The following FOXN3 variants were observed in gnomAD, a reference collection of about 807,000 sequenced individuals.
FOXN3 encodes forkhead box protein N3.
Under a neutral mutation model 38.4 loss-of-function variants are expected in FOXN3, and 7 were observed. That is an observed-to-expected ratio of 0.18 (90% CI 0.10 to 0.34). The LOEUF (loss-of-function observed/expected upper bound fraction) is 0.34. FOXN3 is among the 10% of genes least tolerant of loss of function. FOXN3 has a pLI of 1.00. For missense variants in FOXN3, 456 were observed against 613.4 expected (o/e 0.74, Z 2.71); for synonymous variants, 230 against 242.2 (o/e 0.95, Z 0.47).
intron 3 of FOXN3, among the ~76,000 whole-genome samples, chr14:89,295,911 A>T (rs1887024086): frequency 6.6e-6 from 1 of 151,816 alleles, no homozygotes; most frequent in African/African-American, 2.4e-5. Flanking sequence ...TTTTTAAAAC[A>T]TCTCTTATAA....
rs145175349 is a variant in FOXN3 at position 89,414,334 on chromosome 14, T to G, written c.-14-1844A>C. Reference sequence around the variant, plus strand: ...AAATAAAATTAAAAAGGCAAAGACATGACCCTTCTATGTCTCTTAAATGTT... The same window carrying G: ...AAATAAAATTAAAAAGGCAAAGACAGGACCCTTCTATGTCTCTTAAATGTT... On this transcript the variant is annotated intron_variant, in intron 1 of 5. Transcript: ENST00000557258. Among the ~76,000 whole-genome samples, 33 of 151,674 alleles carry G rather than the reference T, an allele frequency of 2.2e-4. 1 individual carries two copies. The East Asian group carries it at 6.3e-3, about 29-fold the overall frequency.
At chr14:89,226,691 A>G (rs1884650656) in intron 4 of FOXN3, among the ~76,000 whole-genome samples, 1 of 152,144 alleles carries the variant, frequency 6.6e-6, no homozygotes, top group Non-Finnish European at 1.5e-5. Flanking sequence ...ACCTGGTCTT[A>G]TTTGGAATCA....
chr14:89,478,748 A>G (rs138231562), intron 1 of FOXN3, among the ~76,000 whole-genome samples: 223 of 152,102 alleles, frequency 1.5e-3, no homozygotes, highest in African/African-American at 5.1e-3. Flanking sequence ...CCTGGCCAAC[A>G]TGGTGAAACC....
chr14:89,470,294 T>TA (rs11461203), intron 1 of FOXN3, among the ~76,000 whole-genome samples: 2,146 of 148,232 alleles, frequency 0.014, 51 homozygotes, highest in African/African-American at 0.05. Context: ...TCTGACTTTC[T>TA]AAAAAAAAAA....
At chr14:89,250,830 C>G (rs1022081854) in intron 4 of FOXN3, among the ~76,000 whole-genome samples, 1 of 152,162 alleles carries the variant, frequency 6.6e-6, no homozygotes, top group Non-Finnish European at 1.5e-5. Flanking sequence ...CTCATGAGAT[C>G]TGATGGTTTT....
chr14:89,394,180 C>T (rs1365152689), intron 2 of FOXN3, among the ~76,000 whole-genome samples: 1 of 151,566 alleles, frequency 6.6e-6, no homozygotes, highest in Non-Finnish European at 1.5e-5. Context: ...TAGACCCTAA[C>T]TCCCAACACC....
upstream of FOXN3, among the ~76,000 whole-genome samples, chr14:89,421,850 A>G (rs1296199205): frequency 6.6e-6 from 1 of 151,860 alleles, no homozygotes; most frequent in Non-Finnish European, 1.5e-5. Flanking sequence ...CAAATGGTCT[A>G]CAATAAACAC....
chr14:89,449,763 G>A (rs1465021207), intron 1 of FOXN3, among the ~76,000 whole-genome samples: 1 of 152,154 alleles, frequency 6.6e-6, no homozygotes, highest in East Asian at 1.9e-4. Flanking sequence ...CCCCACGGAG[G>A]TCTGACAGCT....
At chr14:89,423,368 A>T (rs1468474472) in intron 1 of FOXN3, among the ~76,000 whole-genome samples, 3 of 152,234 alleles carry the variant, frequency 2.0e-5, no homozygotes, top group Non-Finnish European at 4.4e-5. Flanking sequence ...TGTAAGGAAC[A>T]TAAAACAGGG....
At chr14:89,221,444 T>C (rs188761664) in intron 4 of FOXN3, among the ~76,000 whole-genome samples, 75 of 152,374 alleles carry the variant, frequency 4.9e-4, no homozygotes, top group African/African-American at 1.7e-3. Flanking sequence ...CACTATGCCA[T>C]ATTATATATA....
chr14:89,290,975 C>A (rs1057167390), intron 3 of FOXN3: 11 of 377,822 alleles, frequency 2.9e-5, no homozygotes, highest in Non-Finnish European at 4.7e-5. Context: ...GTGGGTGCTG[C>A]GGACCTGTTC....
intron 1 of FOXN3, among the ~76,000 whole-genome samples, chr14:89,436,461 C>A (rs1323217555): frequency 6.6e-6 from 1 of 152,138 alleles, no homozygotes; most frequent in Non-Finnish European, 1.5e-5. Context: ...GGTTTCCTCT[C>A]CAGTATCTAT....
chr14:89,337,813 A>G (rs1378356866), intron 3 of FOXN3, among the ~76,000 whole-genome samples: 8 of 152,020 alleles, frequency 5.3e-5, no homozygotes. Context: ...TATTTTTAGT[A>G]GGGATGGGGT....
At chr14:89,444,850 G>A (rs925238097) in intron 1 of FOXN3, among the ~76,000 whole-genome samples, 19 of 152,192 alleles carry the variant, frequency 1.2e-4, no homozygotes, top group African/African-American at 4.3e-4. Context: ...GCCAGGTGCA[G>A]TGGCTCACGC....
At chr14:89,247,241 T>A (rs971268423) in intron 4 of FOXN3, among the ~76,000 whole-genome samples, 2 of 152,202 alleles carry the variant, frequency 1.3e-5, no homozygotes, top group Non-Finnish European at 2.9e-5. Context: ...AGCTTAAGCA[T>A]AATTATTGTA....
intron 1 of FOXN3, among the ~76,000 whole-genome samples, chr14:89,549,467 G>A (rs1894956620): frequency 6.6e-6 from 1 of 152,064 alleles, no homozygotes; most frequent in Non-Finnish European, 1.5e-5. Context: ...CCGGAAAGAC[G>A]CATCCTCTGA....
intron 1 of FOXN3, among the ~76,000 whole-genome samples, chr14:89,534,845 T>G (rs1052518838): frequency 3.3e-5 from 5 of 152,242 alleles, no homozygotes; most frequent in African/African-American, 7.2e-5. Flanking sequence ...AGGCCCGTTC[T>G]ATCCACTGCT....
chr14:89,569,143 T>C (rs1895436127), intron 1 of FOXN3, among the ~76,000 whole-genome samples: 1 of 152,100 alleles, frequency 6.6e-6, no homozygotes, highest in Non-Finnish European at 1.5e-5. Flanking sequence ...AGGTGGAGCT[T>C]GCAGTGAGCC....
intron 1 of FOXN3, among the ~76,000 whole-genome samples, chr14:89,471,811 T>C (rs1893101131): frequency 1.3e-5 from 2 of 151,918 alleles, no homozygotes; most frequent in African/African-American, 4.9e-5. Context: ...ACTGGACAAC[T>C]TTAGGAACCA....
Sources: allele counts gnomAD v4.1 joint callset (sites outside exome capture counted in the v4.1 genomes callset), GRCh38; gene constraint gnomAD v4.1.1; transcripts MANE v1.5; gene names NCBI Gene and HGNC (gene_info 2026-07-23, HGNC 2026-07-21).